The following LPP variants were observed in gnomAD, a reference collection of about 807,000 sequenced individuals.
LPP encodes lipoma-preferred partner.
A neutral mutation model predicts 60.4 loss-of-function variants in LPP; 38 were observed. The observed-to-expected ratio is 0.63, with a 90% CI of 0.49 to 0.83. LPP has a LOEUF of 0.83. Among genes scored for constraint, LPP ranks in the 40% least tolerant of loss-of-function variants. The pLI, the probability that LPP is intolerant of heterozygous loss-of-function variation, is 0.00. For missense variants in LPP, 902 were observed against 783.6 expected, an observed-to-expected ratio of 1.15 and a Z score of -1.80; for synonymous variants, 328 against 290.8, an observed-to-expected ratio of 1.13 and a Z score of -1.30.
chr3:188,507,755 G>A (rs1206800572), intron 5 of LPP, among the ~76,000 whole-genome samples: 4 of 152,174 alleles, frequency 2.6e-5, no homozygotes, highest in South Asian at 2.1e-4. Context: ...CTACCAGATC[G>A]TTGCCCCCTG....
At chr3:188,406,369 GGTGATTT>G in intron 4 of LPP, 56 bp downstream of exon 4, 1 of 1,477,710 alleles carries the variant, frequency 6.8e-7, no homozygotes, top group Non-Finnish European at 9.4e-7. Flanking sequence ...CAGTTATATA[GGTGATTT>G]GTAGTACAAA....
chr3:188,700,525 T>C (rs1864194201), intron 7 of LPP, among the ~76,000 whole-genome samples: 2 of 152,338 alleles, frequency 1.3e-5, no homozygotes, highest in Admixed American at 1.3e-4. Context: ...GCTTCCTTTT[T>C]CCTTTAGAAA....
At chr3:188,260,564 A>C (rs1451563245) in intron 2 of LPP, among the ~76,000 whole-genome samples, 1 of 152,136 alleles carries the variant, frequency 6.6e-6, no homozygotes, top group African/African-American at 2.4e-5. Flanking sequence ...AAACCAAGAT[A>C]GAAATTGTCA....
chr3:188,304,569 A>G (rs1454123509), intron 2 of LPP, among the ~76,000 whole-genome samples: 2 of 152,150 alleles, frequency 1.3e-5, no homozygotes, highest in Admixed American at 6.6e-5. Flanking sequence ...CCATAAAGTT[A>G]TATCTTAATA....
chr3:188,221,101 G>T (rs78368044), intron 1 of LPP, among the ~76,000 whole-genome samples: 3 of 152,098 alleles, frequency 2.0e-5, no homozygotes, highest in African/African-American at 7.2e-5. Context: ...CTTTCCAGGC[G>T]TGTGTCCCAC....
intron 7 of LPP, among the ~76,000 whole-genome samples, chr3:188,669,636 G>A (rs1426627325): frequency 1.3e-5 from 2 of 152,140 alleles, no homozygotes; most frequent in Non-Finnish European, 2.9e-5. Flanking sequence ...AGATGATGTG[G>A]AGAAATAGAA....
intron 7 of LPP, among the ~76,000 whole-genome samples, chr3:188,655,353 G>C (rs1021595908): frequency 1.2e-4 from 18 of 152,052 alleles, no homozygotes; most frequent in African/African-American, 4.3e-4. Flanking sequence ...ATGAGGGAAA[G>C]GACATCAGAA....
chr3:188,169,799 C>T (rs969547798), intron 1 of LPP, among the ~76,000 whole-genome samples: 3 of 152,212 alleles, frequency 2.0e-5, no homozygotes, highest in Admixed American at 6.5e-5. Context: ...GAACCTCCCA[C>T]AGCCCAGAAG....
At chr3:188,155,432 T>C (rs1577020969) in intron 1 of LPP, among the ~76,000 whole-genome samples, 1 of 152,234 alleles carries the variant, frequency 6.6e-6, no homozygotes, top group Non-Finnish European at 1.5e-5. Context: ...ACTTAATGGC[T>C]TACCTTTCCC....
chr3:188,829,721 AGTT>A, intron 9 of LPP, among the ~76,000 whole-genome samples: 1 of 152,202 alleles, frequency 6.6e-6, no homozygotes, highest in African/African-American at 2.4e-5. Context: ...GGTTTGAAAA[AGTT>A]CACACTTAGC....
intron 3 of LPP, among the ~76,000 whole-genome samples, chr3:188,349,790 A>C (rs1172783748): frequency 6.6e-6 from 1 of 152,190 alleles, no homozygotes; most frequent in African/African-American, 2.4e-5. Flanking sequence ...TGTTTGCTCC[A>C]TCAGGGACTC....
chr3:188,179,950 A>G (rs1335905346), intron 1 of LPP: 1 of 186,576 alleles, frequency 5.4e-6, no homozygotes, highest in Non-Finnish European at 1.1e-5. Context: ...CACTTTTAGG[A>G]TGAAGTCAGA....
chr3:188,515,816 G>A (rs1817200871), intron 5 of LPP, among the ~76,000 whole-genome samples: 1 of 151,960 alleles, frequency 6.6e-6, no homozygotes, highest in Admixed American at 6.6e-5. Flanking sequence ...TTAGGGAAGG[G>A]GACTGTTTTT....
chr3:188,364,090 C>T (rs952394285), intron 3 of LPP, among the ~76,000 whole-genome samples: 2 of 152,114 alleles, frequency 1.3e-5, no homozygotes, highest in Admixed American at 1.3e-4. Context: ...CATCCTCCAA[C>T]TTAATGAAGG....
chr3:188,521,905 G>A lies in LPP; in HGVS notation c.307-2760G>A, dbSNP rs550066433. ...GTCTACTATAATATTTTATATCTGC[G>A]CACAAGAGGATCAACTTTACTCAGT... On this transcript the variant is annotated intron_variant, in intron 5 of 11. Coordinates refer to ENST00000617246, the MANE Select transcript of LPP (RefSeq NM_001375462.1). 5.3e-5 allele frequency among the ~76,000 whole-genome samples: 8 copies of A among 152,216 alleles called. No individual in the cohort carries two copies. In the South Asian group the frequency reaches 8.3e-4, roughly 16 times the overall value.
chr3:188,862,251 A>C (rs1765357582), intron 9 of LPP, among the ~76,000 whole-genome samples: 1 of 152,192 alleles, frequency 6.6e-6, no homozygotes. Flanking sequence ...ACACAACCTC[A>C]GACTATGGCT....
intron 7 of LPP, among the ~76,000 whole-genome samples, chr3:188,654,444 C>T (rs372933874): frequency 5.3e-5 from 8 of 152,162 alleles, no homozygotes; most frequent in Admixed American, 2.0e-4. Context: ...ACGAATTTAG[C>T]GACATTTCAC....
chr3:188,231,568 G>C (rs1719970974), intron 2 of LPP, among the ~76,000 whole-genome samples: 1 of 151,848 alleles, frequency 6.6e-6, no homozygotes, highest in Non-Finnish European at 1.5e-5. Flanking sequence ...ATGTCGAAAG[G>C]TTCTTGCTTG....
At chr3:188,189,289 T>C (rs1041410191) in intron 1 of LPP, among the ~76,000 whole-genome samples, 7 of 152,162 alleles carry the variant, frequency 4.6e-5, no homozygotes, top group Non-Finnish European at 8.8e-5. Context: ...GGTTTCACCA[T>C]GTTTCCCAGG....
Sources: allele counts gnomAD v4.1 joint callset (sites outside exome capture counted in the v4.1 genomes callset), GRCh38; gene constraint gnomAD v4.1.1; transcripts MANE v1.5; gene names NCBI Gene and HGNC (gene_info 2026-07-23, HGNC 2026-07-21).